The following VDAC2 variants were observed in gnomAD, a reference collection of about 807,000 sequenced individuals.
VDAC2 encodes the protein non-selective voltage-gated ion channel VDAC2.
VDAC2 carries 6 observed loss-of-function variants against 36.6 expected under a neutral mutation model. That is an observed-to-expected ratio of 0.16 (90% CI 0.09 to 0.32). The LOEUF (loss-of-function observed/expected upper bound fraction) is 0.32. VDAC2 is among the 10% of genes least tolerant of loss of function. The pLI is 1.00. For synonymous variants in VDAC2, 109 were observed against 123.8 expected, an observed-to-expected ratio of 0.88 and a Z score of 0.79; for missense variants, 247 against 346.0, an observed-to-expected ratio of 0.71 and a Z score of 2.27.
At chr10:75,215,955 C>G (rs1841590730) in intron 4 of VDAC2, among the ~76,000 whole-genome samples, 1 of 152,118 alleles carries the variant, frequency 6.6e-6, no homozygotes, top group South Asian at 2.1e-4. Flanking sequence ...CTCCTGACCT[C>G]AAGTGATCCC....
intron 4 of VDAC2, chr10:75,217,918 T>C: frequency 7.8e-7 from 1 of 1,288,760 alleles, no homozygotes; most frequent in Non-Finnish European, 1.0e-6. Flanking sequence ...AGTCTCTTTA[T>C]TATTTTCACA....
chr10:75,219,883 A>G (rs1243955218), intron 6 of VDAC2, among the ~76,000 whole-genome samples: 5 of 150,782 alleles, frequency 3.3e-5, no homozygotes, highest in Non-Finnish European at 5.9e-5. Context: ...GCTGGAGTGC[A>G]GTGGCGCGAT....
At chr10:75,225,623 A>G (rs1372317288) in intron 8 of VDAC2, among the ~76,000 whole-genome samples, 1 of 152,198 alleles carries the variant, frequency 6.6e-6, no homozygotes, top group Non-Finnish European at 1.5e-5. Context: ...GGAAACTACA[A>G]GGAAGGAAAA....
At chr10:75,220,237 C>T (rs540159685) in intron 6 of VDAC2, among the ~76,000 whole-genome samples, 1 of 152,172 alleles carries the variant, frequency 6.6e-6, no homozygotes, top group East Asian at 1.9e-4. Context: ...TCCTGAGTAG[C>T]TGGGATTACA....
chr10:75,224,728 T>G (rs1322557833), intron 8 of VDAC2, among the ~76,000 whole-genome samples: 4 of 152,194 alleles, frequency 2.6e-5, no homozygotes, highest in Non-Finnish European at 5.9e-5. Context: ...AGGTTTCATT[T>G]GGTTTAAGCC....
chr10:75,221,545 C>T (rs1841814159), intron 7 of VDAC2, among the ~76,000 whole-genome samples: 1 of 152,126 alleles, frequency 6.6e-6, no homozygotes, highest in South Asian at 2.1e-4. Flanking sequence ...GCTGGCAAGG[C>T]TGGTCTGGAA....
chr10:75,223,353 T>C (rs574436461), intron 8 of VDAC2, among the ~76,000 whole-genome samples: 2 of 152,142 alleles, frequency 1.3e-5, no homozygotes, highest in Admixed American at 6.5e-5. Context: ...GTTACTTACA[T>C]TGATGTTCTT....
chr10:75,211,383 C>G, intron 2 of VDAC2, 194 bp downstream of exon 2: 1 of 1,406,402 alleles, frequency 7.1e-7, no homozygotes. Flanking sequence ...GAACAAGGCC[C>G]GGGGAGTTGG....
At chr10:75,220,489 G>T (rs1841779402) in intron 6 of VDAC2, among the ~76,000 whole-genome samples, 1 of 152,162 alleles carries the variant, frequency 6.6e-6, no homozygotes, top group South Asian at 2.1e-4. Flanking sequence ...CACTAACTTG[G>T]GCAACTAATG....
At chr10:75,210,695 C>T (rs574788880), upstream of VDAC2, 49 of 155,214 alleles carry the variant, frequency 3.2e-4, no homozygotes, top group South Asian at 5.3e-3. Flanking sequence ...CGCTGTCGGT[C>T]CACGTGGCCG....
At chr10:75,227,752 A>G (rs951733602) in intron 8 of VDAC2, among the ~76,000 whole-genome samples, 1 of 151,316 alleles carries the variant, frequency 6.6e-6, no homozygotes. Flanking sequence ...GTGCCTGGCT[A>G]ATTTTTGTAG....
intron 8 of VDAC2, among the ~76,000 whole-genome samples, chr10:75,228,183 T>G (rs1842013702): frequency 6.6e-6 from 1 of 152,018 alleles, no homozygotes; most frequent in African/African-American, 2.4e-5. Context: ...CGTGAGCCAC[T>G]GCGCCTGGCC....
intron 2 of VDAC2, among the ~76,000 whole-genome samples, chr10:75,211,993 G>A (rs1042447786): frequency 2.0e-5 from 3 of 152,190 alleles, no homozygotes; most frequent in African/African-American, 7.2e-5. Flanking sequence ...CTGTTTTTCC[G>A]TTTTGAAACG....
In VDAC2 at chr10:75,229,972, G is replaced by C. The variant is rs911012782; in HGVS notation, c.793+271G>C. On this transcript the variant is annotated intron_variant, in intron 9 of 9. Transcript: ENST00000332211. ...AATACTATCACACCTAAGAAAGTTA[G>C]TGATTCCTTATTATTTAATACCCAC... Among the ~76,000 whole-genome samples, 5 of 151,560 alleles carry C rather than the reference G, an allele frequency of 3.3e-5. No homozygotes were observed. The East Asian group carries it at 5.8e-4, about 18-fold the overall frequency.
chr10:75,217,933 C>CTG, intron 4 of VDAC2: 1 of 1,288,932 alleles, frequency 7.8e-7, no homozygotes, highest in Non-Finnish European at 1.0e-6. Flanking sequence ...TTCACATCAG[C>CTG]TGTCTTCCTT....
At chr10:75,225,692 A>C (rs1387332769) in intron 8 of VDAC2, among the ~76,000 whole-genome samples, 1 of 152,174 alleles carries the variant, frequency 6.6e-6, no homozygotes, top group Admixed American at 6.5e-5. Flanking sequence ...CCTGTGACTA[A>C]AGTCTCATTC....
At chr10:75,223,487 A>G (rs1841877696) in intron 8 of VDAC2, among the ~76,000 whole-genome samples, 1 of 152,154 alleles carries the variant, frequency 6.6e-6, no homozygotes, top group South Asian at 2.1e-4. Flanking sequence ...ACTCCTGGGA[A>G]TTAGTTTGGA....
At position 75,230,914 on chromosome 10, in the gene VDAC2, C is replaced by T. The variant is rs748595459; in HGVS notation, c.810C>T (p.Leu270=). The stretch of plus-strand genomic sequence containing the variant: ...TCTTAATAGGTGTGAAGCTTACACT[C>T]TCTGCTCTGGTAGATGGGAAGAGCA... The part of the protein sequence containing the change: ...QTLRPGVKLT[L]SALVDGKSIN... The change falls in exon 10 of 10, where the codon CTC becomes CTT. Residue 270 remains leucine (L), a synonymous_variant. Coordinates refer to ENST00000332211, the MANE Select transcript of VDAC2 (RefSeq NM_001391963.1). 11 of 1,613,622 alleles carry T rather than the reference C, an allele frequency of 6.8e-6. No individual in the cohort carries two copies.
Position 75,222,419 on chromosome 10 carries a change from A to T in VDAC2, c.735+17A>T. 6.2e-7 allele frequency: 1 copy of T among 1,613,424 alleles called. No individual in the cohort carries two copies. The highest frequency in any genetic ancestry group is 8.5e-7 in the Non-Finnish European group (1 of 1,179,668). On this transcript the variant is annotated intron_variant, in intron 8 of 9. Coordinates refer to ENST00000332211, the MANE Select transcript of VDAC2 (RefSeq NM_001391963.1). ...TCCATTTCTGTGAGTACTTTTGTGG[A>T]CTTAGAATGGGGGTTTTGGTTGTGG...
Sources: allele counts gnomAD v4.1 joint callset (sites outside exome capture counted in the v4.1 genomes callset), GRCh38; gene constraint gnomAD v4.1.1; transcripts MANE v1.5; gene names NCBI Gene and HGNC (gene_info 2026-07-23, HGNC 2026-07-21).